The following TNR variants were observed in gnomAD, a reference collection of about 807,000 sequenced individuals.
TNR encodes tenascin-R.
TNR carries 45 observed loss-of-function variants against 150.4 expected under a neutral mutation model. The observed-to-expected ratio is 0.30, with a 90% CI of 0.24 to 0.38. TNR has a LOEUF of 0.38. Among genes scored for constraint, TNR ranks in the 10% least tolerant of loss-of-function variants. The pLI, the probability that TNR is intolerant of heterozygous loss-of-function variation, is 1.00. For synonymous variants in TNR, 687 were observed against 678.4 expected, an observed-to-expected ratio of 1.01 and a Z score of -0.20; for missense variants, 1,544 against 1,759.1, an observed-to-expected ratio of 0.88 and a Z score of 2.19.
intron 1 of TNR, among the ~76,000 whole-genome samples, chr1:175,557,837 G>A (rs1416873591): frequency 1.6e-5 from 2 of 121,258 alleles, no homozygotes; most frequent in Non-Finnish European, 1.7e-5. Flanking sequence ...GTTTATTGCG[G>A]CATTATTCAC....
intron 1 of TNR, among the ~76,000 whole-genome samples, chr1:175,595,290 A>G (rs1039509774): frequency 6.6e-6 from 1 of 152,252 alleles, no homozygotes; most frequent in African/African-American, 2.4e-5. Flanking sequence ...AGAAAATTAA[A>G]GCTGAAAGGG....
At chr1:175,675,785 G>A (rs1244145251) in intron 1 of TNR, among the ~76,000 whole-genome samples, 3 of 152,166 alleles carry the variant, frequency 2.0e-5, no homozygotes, top group Non-Finnish European at 4.4e-5. Context: ...ATAGCTATTA[G>A]ACAGCTGTCA....
At chr1:175,737,617 T>C (rs1184113267) in intron 1 of TNR, among the ~76,000 whole-genome samples, 1 of 152,170 alleles carries the variant, frequency 6.6e-6, no homozygotes, top group African/African-American at 2.4e-5. Flanking sequence ...GTTCCAGACT[T>C]CCCCCTTTGT....
intron 1 of TNR, among the ~76,000 whole-genome samples, chr1:175,542,115 G>A (rs1194378587): frequency 1.3e-5 from 2 of 152,266 alleles, no homozygotes; most frequent in East Asian, 1.9e-4. Context: ...GGGCAAATCT[G>A]GGAACTACGA....
At chr1:175,427,462 A>G (rs1481674313) in intron 2 of TNR, among the ~76,000 whole-genome samples, 1 of 152,160 alleles carries the variant, frequency 6.6e-6, no homozygotes, top group African/African-American at 2.4e-5. Flanking sequence ...GAAATCTGGT[A>G]TGTATTTTTA....
intron 5 of TNR, among the ~76,000 whole-genome samples, chr1:175,394,229 A>G (rs1653314587): frequency 6.6e-6 from 1 of 151,576 alleles, no homozygotes; most frequent in Non-Finnish European, 1.5e-5. Context: ...GGCATATCAT[A>G]TATAGTACAG....
At chr1:175,426,827 T>A (rs13374783) in intron 2 of TNR, among the ~76,000 whole-genome samples, 24,611 of 110,738 alleles carry the variant, frequency 0.22, 4,574 homozygotes, top group East Asian at 0.52. Flanking sequence ...TAAATATATA[T>A]AAAATATATT....
Position 175,391,414 on chromosome 1 carries a change from G to C in TNR, c.1381C>G (p.Gln461Glu). The C allele has an allele frequency of 3.1e-6, 5 of 1,614,116 alleles. No individual in the cohort carries two copies. Among genetic ancestry groups the C allele is most frequent in the Non-Finnish European group, 4.2e-6 (5 of 1,180,002 alleles). ...AAGGACGTAACATCGCTGGGGACCTGAGCAATCACTCCCCCTTCATTGTTC... is the reference window on the plus strand; with the variant it reads ...AAGGACGTAACATCGCTGGGGACCTCAGCAATCACTCCCCCTTCATTGTTC... ...PKNNEGGVIA[Q>E]VPSDVTSFNQ... Residue 461 changes from glutamine (Q) to glutamate (E), a missense_variant, in exon 7 of 23, where the codon CAG becomes GAG. Transcript: ENST00000367674.
chr1:175,636,759 A>G (rs1354569242), intron 1 of TNR, among the ~76,000 whole-genome samples: 1 of 152,196 alleles, frequency 6.6e-6, no homozygotes, highest in African/African-American at 2.4e-5. Flanking sequence ...TTGGACACCA[A>G]GACTCACAAA....
At chr1:175,418,554 T>C (rs1373896911) in intron 2 of TNR, among the ~76,000 whole-genome samples, 1 of 152,088 alleles carries the variant, frequency 6.6e-6, no homozygotes, top group Non-Finnish European at 1.5e-5. Flanking sequence ...AAACCCCACC[T>C]CTACTAAGAA....
At chr1:175,651,551 T>G (rs1446186419) in intron 1 of TNR, among the ~76,000 whole-genome samples, 2 of 151,846 alleles carry the variant, frequency 1.3e-5, no homozygotes, top group Non-Finnish European at 2.9e-5. Context: ...ATATATAAAA[T>G]ATATTATTAT....
rs1654928796 is a variant in TNR, at chr1:175,425,455, A to G, written c.-63-18678T>C. 2.6e-5 allele frequency among the ~76,000 whole-genome samples: 4 copies of G among 152,172 alleles called. No homozygotes were observed. In the South Asian group the frequency reaches 8.3e-4, roughly 32 times the overall value. On this transcript the variant is annotated intron_variant, in intron 2 of 22. Coordinates refer to ENST00000367674, the MANE Select transcript of TNR (RefSeq NM_003285.3). ...CCTAAAAAAAGTATTAGTCTGACTG[A>G]TAGTGTTTTCTGAGGTGCCATGTGG...
chr1:175,535,825 G>C (rs544269412), intron 1 of TNR, among the ~76,000 whole-genome samples: 1 of 151,900 alleles, frequency 6.6e-6, no homozygotes, highest in African/African-American at 2.4e-5. Context: ...GTTCACAGAG[G>C]GTCCATGAAC....
chr1:175,419,983 C>A (rs1246437588), intron 2 of TNR, among the ~76,000 whole-genome samples: 2 of 152,206 alleles, frequency 1.3e-5, no homozygotes, highest in Non-Finnish European at 2.9e-5. Context: ...GGGAGCTCCA[C>A]CCAGAGAGGC....
chr1:175,428,376 T>G (rs574663192), intron 2 of TNR, among the ~76,000 whole-genome samples: 1 of 152,320 alleles, frequency 6.6e-6, no homozygotes, highest in South Asian at 2.1e-4. Context: ...GGAACTGATA[T>G]AAGCTACTAT....
intron 1 of TNR, among the ~76,000 whole-genome samples, chr1:175,738,249 A>C (rs1667830160): frequency 6.6e-6 from 1 of 152,194 alleles, no homozygotes; most frequent in Non-Finnish European, 1.5e-5. Flanking sequence ...GAATTAAAGG[A>C]GGGGAATAGG....
At chr1:175,529,769 A>G (rs964840244) in intron 1 of TNR, among the ~76,000 whole-genome samples, 1 of 152,150 alleles carries the variant, frequency 6.6e-6, no homozygotes, top group Non-Finnish European at 1.5e-5. Context: ...GCTTCCACCC[A>G]CTGACCTTTC....
chr1:175,711,894 G>A (rs552063041), intron 1 of TNR, among the ~76,000 whole-genome samples: 1 of 152,286 alleles, frequency 6.6e-6, no homozygotes, highest in East Asian at 1.9e-4. Context: ...GTTCAGTTTT[G>A]AACTTGCTAA....
intron 21 of TNR, among the ~76,000 whole-genome samples, chr1:175,325,627 A>G (rs894674202): frequency 5.9e-5 from 9 of 152,250 alleles, no homozygotes; most frequent in African/African-American, 2.2e-4. Flanking sequence ...CCAAATGTCC[A>G]TCAATAATAG....
Sources: allele counts gnomAD v4.1 joint callset (sites outside exome capture counted in the v4.1 genomes callset), GRCh38; gene constraint gnomAD v4.1.1; transcripts MANE v1.5; gene names NCBI Gene and HGNC (gene_info 2026-07-23, HGNC 2026-07-21).